The following ZNF624 variants were observed in gnomAD, a reference collection of about 807,000 sequenced individuals.
The protein encoded by ZNF624 is zinc finger protein 624.
ZNF624 carries 43 observed loss-of-function variants against 74.7 expected under a neutral mutation model. That is an observed-to-expected ratio of 0.58 (90% CI 0.45 to 0.74). The LOEUF (loss-of-function observed/expected upper bound fraction) is 0.74, where lower values mean the gene tolerates loss of function less well. Ranked by LOEUF, ZNF624 falls within the 30% of genes least tolerant of loss-of-function variation. ZNF624 has a pLI of 0.00. For synonymous variants in ZNF624, 331 were observed against 341.3 expected, an observed-to-expected ratio of 0.97 and a Z score of 0.33; for missense variants, 820 against 1,030.0, an observed-to-expected ratio of 0.80 and a Z score of 2.79.
chr17:16,622,057 A>G lies in ZNF624; in HGVS notation c.*231T>C, dbSNP rs1314133528. 6.0e-6 allele frequency: 2 copies of G among 332,426 alleles called. No homozygotes were observed. Among genetic ancestry groups the G allele is most frequent in the Non-Finnish European group, 1.1e-5 (2 of 184,890 alleles). 20.6% of individuals were successfully genotyped at this position (332,426 alleles called of 1,614,324 possible). ...ACTAAAGATAATTTGTTAAATGAGT[A>G]AAGTATGAAATCTGGATGAACACTT... On this transcript the variant is annotated 3_prime_UTR_variant, in exon 6 of 6. Coordinates refer to ENST00000311331, the MANE Select transcript of ZNF624 (RefSeq NM_020787.4).
In ZNF624 at chr17:16,621,885, T is replaced by G. The variant is rs1908922687; in HGVS notation, c.*403A>C. 7.5e-6 allele frequency: 1 copy of G among 133,086 alleles called. No homozygotes were observed. The highest frequency in any genetic ancestry group is 1.7e-5 in the Non-Finnish European group (1 of 58,426). 8.2% of individuals were successfully genotyped at this position (133,086 alleles called of 1,614,324 possible). ...AAAAATGTTGTGCATTACTATAAAG[T>G]ATAAAGACAAATGCTAGATTAAGAA... On this transcript the variant is annotated 3_prime_UTR_variant, in exon 6 of 6. Coordinates refer to ENST00000311331, the MANE Select transcript of ZNF624 (RefSeq NM_020787.4).
At chr17:16,617,127 C>T (rs1908807434), downstream of ZNF624, 2 of 1,613,212 alleles carry the variant, frequency 1.2e-6, no homozygotes, top group African/African-American at 2.7e-5. Flanking sequence ...CCCGATCAGA[C>T]TTGGGCTTAG....
chr17:16,649,691 A>C lies in ZNF624; in HGVS notation c.54T>G (p.Ile18Met), dbSNP rs1173123869. Residue 18 changes from isoleucine to methionine, a missense_variant, in exon 2 of 6, where the codon ATT becomes ATG. Ile to Met is a conservative substitution (Grantham distance 10, BLOSUM62 1). Coordinates refer to ENST00000311331, the MANE Select transcript of ZNF624 (RefSeq NM_020787.4). ...CAACTGAGAAAAACACAGCAGCCAT[A>C]ATCTCTCCCTCTGGTTTCCCCTCTC... ...LSREGKPEGEIMAAVFFSVGR... is the reference protein window; with the variant it reads ...LSREGKPEGEMMAAVFFSVGR... 2 of 1,614,034 alleles carry C rather than the reference A, an allele frequency of 1.2e-6. No individual in the cohort carries two copies. The highest frequency in any genetic ancestry group is 1.7e-6 in the Non-Finnish European group (2 of 1,179,922).
chr17:16,622,591 A>C lies in ZNF624; in HGVS notation c.2295T>G (p.Ser765=). The change falls in exon 6 of 6, where the codon TCT becomes TCG. Residue 765 remains serine (S), a synonymous_variant. Coordinates refer to ENST00000311331, the MANE Select transcript of ZNF624 (RefSeq NM_020787.4). Reference sequence around the variant, plus strand: ...GTGTTCTCCAATGCACTGTAAGGTAAGAACCCCTCCTGAAGGCTTTTCCAC... The same window carrying C: ...GTGTTCTCCAATGCACTGTAAGGTACGAACCCCTCCTGAAGGCTTTTCCAC... ...DVCGKAFRRG[S]YLTVHWRTHT... is the part of the protein sequence containing the mutation. 1 of 1,613,690 alleles carries C rather than the reference A, an allele frequency of 6.2e-7. No individual in the cohort carries two copies. Among genetic ancestry groups the C allele is most frequent in the Non-Finnish European group, 8.5e-7 (1 of 1,179,840 alleles).
intron 3 of ZNF624, among the ~76,000 whole-genome samples, chr17:16,641,289 CTCTT>C (rs1428619112): frequency 1.3e-5 from 2 of 150,034 alleles, no homozygotes; most frequent in African/African-American, 5.0e-5. Flanking sequence ...CTCTCTCTCT[CTCTT>C]TTTTTTTGGA....
intron 3 of ZNF624, among the ~76,000 whole-genome samples, chr17:16,645,359 T>A: frequency 6.6e-6 from 1 of 152,098 alleles, no homozygotes; most frequent in East Asian, 1.9e-4. Flanking sequence ...TATCTCCTCT[T>A]CATCTTGAGG....
downstream of ZNF624, among the ~76,000 whole-genome samples, chr17:16,618,677 C>A (rs935861267): frequency 3.5e-5 from 5 of 141,816 alleles, no homozygotes; most frequent in African/African-American, 1.1e-4. Context: ...AAGACCAACC[C>A]CTCGTCGTCT....
chr17:16,617,392 T>A, downstream of ZNF624: 1 of 1,613,458 alleles, frequency 6.2e-7, no homozygotes, highest in Non-Finnish European at 8.5e-7. Context: ...ATCCAGTTTG[T>A]CCAAAGCACG....
intron 3 of ZNF624, among the ~76,000 whole-genome samples, chr17:16,644,939 C>T (rs1909552247): frequency 6.6e-6 from 1 of 152,184 alleles, no homozygotes; most frequent in Non-Finnish European, 1.5e-5. Flanking sequence ...CAGTTATTTG[C>T]AACCCAGATG....
the ZNF624 span, among the ~76,000 whole-genome samples, chr17:16,614,802 G>C: frequency 6.6e-6 from 1 of 152,074 alleles, no homozygotes; most frequent in Non-Finnish European, 1.5e-5. Context: ...ACAAAATTTT[G>C]ACAAATTTAA....
chr17:16,617,569 G>A (rs931247317), downstream of ZNF624: 2 of 1,568,750 alleles, frequency 1.3e-6, no homozygotes, highest in African/African-American at 1.4e-5. Flanking sequence ...TGTACGAACA[G>A]GTGGTCCGTA....
intron 3 of ZNF624, among the ~76,000 whole-genome samples, chr17:16,636,210 T>C (rs185505942): frequency 6.6e-4 from 100 of 152,346 alleles, no homozygotes; most frequent in African/African-American, 2.4e-3. Flanking sequence ...AAAAATCTCA[T>C]CTATTATCTT....
intron 3 of ZNF624, among the ~76,000 whole-genome samples, chr17:16,635,057 C>CTA (rs1909295556): frequency 6.6e-6 from 1 of 152,162 alleles, no homozygotes; most frequent in Non-Finnish European, 1.5e-5. Context: ...TCAAACAGCA[C>CTA]GGTTTCCTCC....
At position 16,623,987 on chromosome 17, in the gene ZNF624, TTAGTA is replaced by T; in HGVS notation, c.894_898del (p.His298GlnfsTer6). ...TTCATTACATTCATAAGGTTTTTCT[TTAGTA>T]TGAGTTCTTTGATGTTGAATGAGCA... On this transcript the variant is annotated frameshift_variant, in exon 6 of 6. Coordinates refer to ENST00000311331, the MANE Select transcript of ZNF624 (RefSeq NM_020787.4). LOFTEE classifies it high-confidence loss of function. The surrounding 1 kb of genome is among the most constrained non-coding windows in gnomAD (Gnocchi z 5.3). The T allele has an allele frequency of 6.2e-7, 1 of 1,613,950 alleles. No homozygotes were observed. Among genetic ancestry groups the T allele is most frequent in the East Asian group, 2.2e-5 (1 of 44,872 alleles).
In ZNF624 at chr17:16,633,924, T is replaced by C; in HGVS notation, c.314A>G (p.His105Arg). ...CCATGGTCCTTTCCCATTCTCCAAA[T>C]GAGATATCATGTCTGGTTTGGAAAC... Reference protein sequence around the residue: ...LAVSKPDMISHLENGKGPWVT... With the variant: ...LAVSKPDMISRLENGKGPWVT... The change falls in exon 5 of 6, where the codon CAT becomes CGT. Residue 105 changes from histidine (H) to arginine (R), a missense_variant. By Grantham distance (29) the His-to-Arg change is conservative. Coordinates refer to ENST00000311331, the MANE Select transcript of ZNF624 (RefSeq NM_020787.4). 1.2e-6 allele frequency: 2 copies of C among 1,602,894 alleles called. No individual in the cohort carries two copies. The highest frequency in any genetic ancestry group is 1.7e-6 in the Non-Finnish European group (2 of 1,170,536).
intron 3 of ZNF624, among the ~76,000 whole-genome samples, chr17:16,637,997 C>T (rs1296674578): frequency 6.6e-6 from 1 of 152,046 alleles, no homozygotes; most frequent in African/African-American, 2.4e-5. Flanking sequence ...CCAGAATCTA[C>T]AATGAACTCA....
chr17:16,616,069 C>A (rs1038752585), downstream of ZNF624, among the ~76,000 whole-genome samples: 5 of 144,370 alleles, frequency 3.5e-5, no homozygotes, highest in East Asian at 1.0e-3. Context: ...AGCATTTATA[C>A]ATCAAAAACA....
intron 3 of ZNF624, among the ~76,000 whole-genome samples, 192 bp from the exon 4 acceptor site, chr17:16,634,948 A>G (rs1266480808): frequency 6.6e-6 from 1 of 152,242 alleles, no homozygotes; most frequent in East Asian, 1.9e-4. Context: ...TATGCTGCCT[A>G]TATCATCTTC....
At chr17:16,638,188 G>A (rs1909379621) in intron 3 of ZNF624, among the ~76,000 whole-genome samples, 1 of 152,204 alleles carries the variant, frequency 6.6e-6, no homozygotes. Context: ...CAGTTAGGAT[G>A]GCGATCATTA....
Sources: gnomAD v4.1 joint callset for allele counts (sites outside exome capture counted in the v4.1 genomes callset) on GRCh38, gnomAD v4.1.1 for gene constraint, Gnocchi (gnomAD v3.1) non-coding constraint, MANE v1.5 for transcripts, NCBI Gene and HGNC (gene_info 2026-07-23, HGNC 2026-07-21) for gene names.